Variants in ANKRD12 observed in about 807,000 individuals in gnomAD.
ANKRD12 encodes ankyrin repeat domain-containing protein 12.
A neutral mutation model predicts 183.4 loss-of-function variants in ANKRD12; 85 were observed. The ratio of observed to expected loss-of-function variants is 0.46; its 90% CI spans 0.39 to 0.56. The LOEUF (loss-of-function observed/expected upper bound fraction) is 0.56, where lower values mean the gene tolerates loss of function less well. Among genes scored for constraint, ANKRD12 ranks in the 20% least tolerant of loss-of-function variants. ANKRD12 has a pLI of 0.00. For missense variants in ANKRD12, 2,405 were observed against 2,357.1 expected (o/e 1.02, Z -0.42); for synonymous variants, 914 against 800.2 (o/e 1.14, Z -2.40).
In ANKRD12 at chr18:9,251,803, A is replaced by T. The variant is rs561031099; in HGVS notation, c.944-2408A>T. 9.2e-5 allele frequency among the ~76,000 whole-genome samples: 14 copies of T among 152,308 alleles called. 1 individual carries two copies. In the East Asian group the frequency reaches 2.7e-3, roughly 29 times the overall value. On this transcript the variant is annotated intron_variant, in intron 8 of 12. Transcript: ENST00000262126. ...GCGAGACTCCATCTCAAAAAAAAGA[A>T]AAAAGAAAAATGCCTTAATAAAAAT... is the stretch of plus-strand genomic sequence containing the variant.
intron 2 of ANKRD12, among the ~76,000 whole-genome samples, chr18:9,186,192 G>A (rs1213571819): frequency 6.7e-6 from 1 of 149,316 alleles, no homozygotes; most frequent in East Asian, 2.0e-4. Context: ...CCAGGCTGGA[G>A]TGCAGTGGCG....
intron 1 of ANKRD12, among the ~76,000 whole-genome samples, chr18:9,147,266 A>G (rs2078523209): frequency 1.3e-5 from 2 of 152,172 alleles, no homozygotes; most frequent in Middle Eastern, 3.2e-3. Flanking sequence ...ATTTAAGGCT[A>G]AAGTACGTGC....
At chr18:9,211,443 A>C (rs2035799066) in intron 5 of ANKRD12, 141 bp from the exon 6 acceptor site, 1 of 696,396 alleles carries the variant, frequency 1.4e-6, no homozygotes, top group South Asian at 2.0e-5. Flanking sequence ...TTAACGGATC[A>C]TCCAAGTCAA....
chr18:9,157,604 T>TATATGTA (rs1491418837), intron 1 of ANKRD12, among the ~76,000 whole-genome samples: 20 of 45,926 alleles, frequency 4.4e-4, no homozygotes, highest in Non-Finnish European at 5.3e-4. Flanking sequence ...TATATATGTA[T>TATATGTA]TTTTTTTTTT....
intron 10 of ANKRD12, among the ~76,000 whole-genome samples, chr18:9,269,961 C>T (rs1234947142): frequency 6.6e-6 from 1 of 152,212 alleles, no homozygotes; most frequent in Non-Finnish European, 1.5e-5. Context: ...AGGATATGAA[C>T]AGACACTTCT....
At chr18:9,186,876 C>T (rs193276433) in intron 2 of ANKRD12, among the ~76,000 whole-genome samples, 1,964 of 151,708 alleles carry the variant, frequency 0.013, 50 homozygotes, top group African/African-American at 0.046. Flanking sequence ...CTCAGCCTCC[C>T]GAGTAGCTGG....
intron 1 of ANKRD12, among the ~76,000 whole-genome samples, chr18:9,175,521 C>CTT (rs1598459034): frequency 6.3e-5 from 3 of 47,546 alleles, no homozygotes; most frequent in African/African-American, 1.5e-4. Context: ...TCAAAGGCTC[C>CTT]TCTTTTTTTT....
intron 1 of ANKRD12, among the ~76,000 whole-genome samples, chr18:9,142,716 T>G (rs1343655578): frequency 2.6e-5 from 4 of 152,002 alleles, no homozygotes; most frequent in Admixed American, 2.6e-4. Context: ...ACCCCCTCTC[T>G]ACTAAAGAAT....
At chr18:9,216,997 A>G (rs1055163382) in intron 7 of ANKRD12, 97 bp downstream of exon 7, 1 of 1,151,080 alleles carries the variant, frequency 8.7e-7, no homozygotes, top group African/African-American at 1.6e-5. Flanking sequence ...GATCTGTGTC[A>G]TATTCCACTC....
intron 6 of ANKRD12, among the ~76,000 whole-genome samples, chr18:9,216,554 A>C (rs1317312112): frequency 3.3e-5 from 5 of 152,210 alleles, no homozygotes; most frequent in Non-Finnish European, 7.3e-5. Flanking sequence ...ACCTTGTTCA[A>C]GGGTCAACTG....
At position 9,256,389 on chromosome 18, in the gene ANKRD12, G is replaced by C; in HGVS notation, c.3122G>C (p.Ser1041Thr). 1 of 1,608,834 alleles carries C rather than the reference G, an allele frequency of 6.2e-7. No individual in the cohort carries two copies. The highest frequency in any genetic ancestry group is 8.5e-7 in the Non-Finnish European group (1 of 1,178,310). ...CATAAAGATAAAATTCAAATAAATA[G>C]CTTACTCAAACTAAAATCTGAAGCA... ...DKHKDKIQIN[S>T]LLKLKSEADK... The change falls in exon 9 of 13, where the codon AGC becomes ACC. Residue 1041 changes from serine (S) to threonine (T), a missense_variant. By Grantham distance (58) the Ser-to-Thr change is moderately conservative (BLOSUM62 1). Coordinates refer to ENST00000262126, the MANE Select transcript of ANKRD12 (RefSeq NM_015208.5).
chr18:9,137,363 G>A (rs1233863319), intron 1 of ANKRD12, among the ~76,000 whole-genome samples: 3 of 146,484 alleles, frequency 2.0e-5, no homozygotes, highest in South Asian at 2.1e-4. Flanking sequence ...CCCTCACCGC[G>A]GCTGGCGGGG....
At position 9,263,908 on chromosome 18, in the gene ANKRD12, A is replaced by G. The variant is rs780264390; in HGVS notation, c.5763+20A>G. ...GAAAGGGTAAGAAATGTTTAAATTT[A>G]CACTTATGCTAAAAATAACTGGTTT... is the stretch of plus-strand genomic sequence containing the variant. On this transcript the variant is annotated intron_variant, in intron 10 of 12. Coordinates refer to ENST00000262126, the MANE Select transcript of ANKRD12 (RefSeq NM_015208.5). The G allele has an allele frequency of 1.4e-6, 2 of 1,390,274 alleles. No individual in the cohort carries two copies. The highest frequency in any genetic ancestry group is 2.0e-6 in the Non-Finnish European group (2 of 1,015,514). 86.1% of individuals were successfully genotyped at this position (1,390,274 alleles called of 1,614,324 possible). A position where few individuals can be genotyped will look rare whatever the true frequency, so the allele number is the denominator to read the frequency against.
chr18:9,267,400 A>G (rs12956160), intron 10 of ANKRD12, among the ~76,000 whole-genome samples: 16,805 of 152,246 alleles, frequency 0.11, 1,090 homozygotes, highest in African/African-American at 0.16. Flanking sequence ...ATGTGAAAGA[A>G]CAGAAATTAT....
At chr18:9,246,778 A>G (rs1224061439) in intron 8 of ANKRD12, among the ~76,000 whole-genome samples, 1 of 152,242 alleles carries the variant, frequency 6.6e-6, no homozygotes, top group East Asian at 1.9e-4. Context: ...TATTTATCAC[A>G]TGCATGGTAT....
At chr18:9,266,005 G>A (rs2039269454) in intron 10 of ANKRD12, among the ~76,000 whole-genome samples, 1 of 152,174 alleles carries the variant, frequency 6.6e-6, no homozygotes, top group South Asian at 2.1e-4. Context: ...TTGATCAGCT[G>A]GAAGAAAAGG....
intron 7 of ANKRD12, among the ~76,000 whole-genome samples, chr18:9,217,606 T>A (rs1176227116): frequency 6.6e-6 from 1 of 152,140 alleles, no homozygotes; most frequent in East Asian, 1.9e-4. Flanking sequence ...AGCAAAGAAG[T>A]CTTATTTTGA....
chr18:9,250,685 C>T (rs1232453003), intron 8 of ANKRD12, among the ~76,000 whole-genome samples: 1 of 152,126 alleles, frequency 6.6e-6, no homozygotes, highest in Non-Finnish European at 1.5e-5. Flanking sequence ...CCACTGCATT[C>T]CAGCCTGGGC....
Position 9,279,045 on chromosome 18 carries a change from G to T in ANKRD12, c.5908-504G>T, listed in dbSNP as rs145084993. On this transcript the variant is annotated intron_variant, in intron 11 of 12. Coordinates refer to ENST00000262126, the MANE Select transcript of ANKRD12 (RefSeq NM_015208.5). ...GATACAGAGCTGGAATTTGAATATAGTCTGTTAATTCCAAAACTGGTATTC... is the reference window on the plus strand; with the variant it reads ...GATACAGAGCTGGAATTTGAATATATTCTGTTAATTCCAAAACTGGTATTC... Among the ~76,000 whole-genome samples the T allele has an allele frequency of 6.2e-3, 949 of 152,160 alleles. 10 individuals are homozygous for T. The highest frequency in any genetic ancestry group is 0.021 in the African/African-American group (890 of 41,526).
Sources: allele counts gnomAD v4.1 joint callset (sites outside exome capture counted in the v4.1 genomes callset), GRCh38; gene constraint gnomAD v4.1.1; transcripts MANE v1.5; gene names NCBI Gene and HGNC (gene_info 2026-07-23, HGNC 2026-07-21).